The following B4GALNT3 variants were observed in gnomAD, a reference collection of about 807,000 sequenced individuals.
B4GALNT3 encodes beta-1,4-N-acetyl-galactosaminyltransferase 3.
A neutral mutation model predicts 120.2 loss-of-function variants in B4GALNT3; 86 were observed. The ratio of observed to expected loss-of-function variants is 0.72; its 90% CI spans 0.60 to 0.86. B4GALNT3 has a LOEUF of 0.86. Ranked by LOEUF, B4GALNT3 falls within the 40% of genes least tolerant of loss-of-function variation. B4GALNT3 has a pLI of 0.00. For missense variants in B4GALNT3, 1,167 were observed against 1,298.9 expected (o/e 0.90, Z 1.56); for synonymous variants, 518 against 510.4 (o/e 1.01, Z -0.20).
chr12:481,666 T>C (rs913155302), intron 1 of B4GALNT3, among the ~76,000 whole-genome samples: 4 of 152,194 alleles, frequency 2.6e-5, no homozygotes, highest in Admixed American at 6.5e-5. Context: ...ATTTTAGACC[T>C]GGAGACTCTT....
chr12:525,152 G>A (rs1365487184), intron 1 of B4GALNT3, among the ~76,000 whole-genome samples: 7 of 151,402 alleles, frequency 4.6e-5, no homozygotes, highest in East Asian at 3.9e-4. Context: ...TCTGTCGCCC[G>A]GGCTGGAGTG....
rs1307737462 is a variant in B4GALNT3, at chr12:559,435, G to T, written c.2888+14G>T. On this transcript the variant is annotated intron_variant, in intron 19 of 19. Transcript: ENST00000266383. ...GCTGCTGGACAGGTGACTGGGAAGA[G>T]GAGGGCATCCACGAGGCCTGGGAAT... 1 of 1,612,800 alleles carries T rather than the reference G, an allele frequency of 6.2e-7. No individual in the cohort carries two copies. The highest frequency in any genetic ancestry group is 2.2e-5 in the East Asian group (1 of 44,840).
intron 1 of B4GALNT3, among the ~76,000 whole-genome samples, chr12:497,494 G>A (rs12228043): frequency 0.05 from 7,681 of 152,242 alleles, 278 homozygotes; most frequent in East Asian, 0.17. Flanking sequence ...GATATGCCAC[G>A]TTTTGTTCAC....
At chr12:504,238 A>G (rs1444709897) in intron 1 of B4GALNT3, among the ~76,000 whole-genome samples, 2 of 150,446 alleles carry the variant, frequency 1.3e-5, no homozygotes, top group Admixed American at 6.7e-5. Context: ...CTGAGATTGC[A>G]TTACTGCACT....
intron 2 of B4GALNT3, among the ~76,000 whole-genome samples, chr12:535,612 G>A (rs77321653): frequency 0.018 from 2,729 of 152,318 alleles, 30 homozygotes; most frequent in Non-Finnish European, 0.027. Flanking sequence ...CTAGGGTGAG[G>A]GCTGGGCTGT....
intron 1 of B4GALNT3, among the ~76,000 whole-genome samples, chr12:511,951 G>C (rs1317345666): frequency 5.5e-5 from 3 of 54,946 alleles, no homozygotes; most frequent in Admixed American, 4.1e-4. Flanking sequence ...TTCCACCTTT[G>C]ACCTTCCACC....
intron 1 of B4GALNT3, among the ~76,000 whole-genome samples, chr12:505,758 T>A (rs144763501): frequency 1.3e-5 from 2 of 152,104 alleles, no homozygotes; most frequent in East Asian, 3.9e-4. Context: ...GAGATAGGGG[T>A]CTGAATAGGT....
At chr12:510,832 AGTATTC>A (rs1462114248) in intron 1 of B4GALNT3, among the ~76,000 whole-genome samples, 1 of 151,918 alleles carries the variant, frequency 6.6e-6, no homozygotes, top group Non-Finnish European at 1.5e-5. Context: ...TGCCCATCTG[AGTATTC>A]GATTCACTGG....
rs1297720348 is a variant in B4GALNT3 at position 484,814 on chromosome 12, AC to A, written c.169+24271del. 7.6e-4 allele frequency among the ~76,000 whole-genome samples: 107 copies of A among 140,374 alleles called. 7 individuals are homozygous for A. The Middle Eastern group carries it at 0.015, about 19-fold the overall frequency. The allele number at this position is 140,374 out of a possible 152,430, so 92.1% of individuals were successfully genotyped here. On this transcript the variant is annotated intron_variant, in intron 1 of 19. Coordinates refer to ENST00000266383, the MANE Select transcript of B4GALNT3 (RefSeq NM_173593.4). ...GGAGAAAAATTAAAAAAAAAAAAAA[AC>A]CACTCGTTTTGGTTTGGAGGATGCT...
intron 1 of B4GALNT3, among the ~76,000 whole-genome samples, chr12:474,059 T>C (rs1231906580): frequency 6.6e-6 from 1 of 151,732 alleles, no homozygotes; most frequent in Non-Finnish European, 1.5e-5. Flanking sequence ...AGGAAAAAAA[T>C]GTAGAACAGA....
rs1946803737 is a variant in B4GALNT3, at chr12:531,213, A to G, written c.170-3953A>G. ...TGCACAGCACAGCGCCTGACACCTG[A>G]GACGCACTTGGTGAATATTTATGGG... is the stretch of plus-strand genomic sequence containing the variant. On this transcript the variant is annotated intron_variant, in intron 1 of 19. Transcript: ENST00000266383. 2.0e-5 allele frequency among the ~76,000 whole-genome samples: 3 copies of G among 150,678 alleles called. No individual in the cohort carries two copies. In the South Asian group the frequency reaches 6.4e-4, roughly 32 times the overall value.
chr12:555,186 AG>A (rs1038157041), intron 14 of B4GALNT3: 1 of 333,228 alleles, frequency 3.0e-6, no homozygotes, highest in Admixed American at 4.3e-5. Flanking sequence ...TCAAAAAAAA[AG>A]AAAAAGAAAG....
intron 1 of B4GALNT3, among the ~76,000 whole-genome samples, chr12:477,279 A>G (rs931558997): frequency 6.6e-6 from 1 of 152,186 alleles, no homozygotes; most frequent in Non-Finnish European, 1.5e-5. Context: ...ATCTGGTAGT[A>G]TATTGTGCCT....
intron 19 of B4GALNT3, 108 bp downstream of exon 19, chr12:559,529 A>C: frequency 6.8e-7 from 1 of 1,480,954 alleles, no homozygotes; most frequent in Non-Finnish European, 9.2e-7. Flanking sequence ...CAGAGTCCCA[A>C]AGCACAGTAA....
chr12:461,754 C>G (rs1393026428), intron 1 of B4GALNT3, among the ~76,000 whole-genome samples: 1 of 152,136 alleles, frequency 6.6e-6, no homozygotes, highest in Non-Finnish European at 1.5e-5. Context: ...TAGGGACAGT[C>G]GCTGAGCTGG....
chr12:533,689 T>C (rs1342714217), intron 1 of B4GALNT3, among the ~76,000 whole-genome samples: 2 of 152,254 alleles, frequency 1.3e-5, no homozygotes, highest in South Asian at 2.1e-4. Flanking sequence ...ATCTGTGAAA[T>C]GGGGTCATGG....
At chr12:557,791 A>G (rs765639085) in intron 16 of B4GALNT3, 30 bp downstream of exon 16, 3 of 1,586,874 alleles carry the variant, frequency 1.9e-6, no homozygotes, top group Non-Finnish European at 2.6e-6. Context: ...AGGGGGTGGC[A>G]TGGGCCACGT....
At chr12:554,323 G>T (rs529607227) in intron 14 of B4GALNT3, among the ~76,000 whole-genome samples, 1 of 152,370 alleles carries the variant, frequency 6.6e-6, no homozygotes, top group African/African-American at 2.4e-5. Context: ...ACAGAGGCTA[G>T]AAAAATACAA....
At chr12:530,611 G>A (rs900354270) in intron 1 of B4GALNT3, among the ~76,000 whole-genome samples, 21 of 152,178 alleles carry the variant, frequency 1.4e-4, no homozygotes, top group African/African-American at 3.6e-4. Context: ...GGATTATCCC[G>A]TTCACTGTGT....
Sources: allele counts gnomAD v4.1 joint callset (sites outside exome capture counted in the v4.1 genomes callset), GRCh38; gene constraint gnomAD v4.1.1; transcripts MANE v1.5; gene names NCBI Gene and HGNC (gene_info 2026-07-23, HGNC 2026-07-21).